GRXCR1: variants seen among roughly 807,000 people sequenced by gnomAD.
GRXCR1 encodes the protein glutaredoxin and cysteine rich domain containing 1.
Under a neutral mutation model 27.3 loss-of-function variants are expected in GRXCR1, and 27 were observed. The observed-to-expected ratio is 0.99, with a 90% CI of 0.73 to 1.37. The LOEUF is 1.37. GRXCR1 is among the 40% of genes most tolerant of loss of function. GRXCR1 has a pLI of 0.00. For missense variants in GRXCR1, 379 were observed against 354.4 expected (o/e 1.07, Z -0.56); for synonymous variants, 122 against 131.1 (o/e 0.93, Z 0.47).
intron 1 of GRXCR1, among the ~76,000 whole-genome samples, chr4:42,898,866 G>GT (rs992569932): frequency 6.6e-6 from 1 of 152,052 alleles, no homozygotes; most frequent in African/African-American, 2.4e-5. Flanking sequence ...ATATTAAGAG[G>GT]TAGGTAAAGA....
chr4:42,971,764 T>C (rs896588789), intron 2 of GRXCR1, among the ~76,000 whole-genome samples: 9 of 152,042 alleles, frequency 5.9e-5, no homozygotes, highest in African/African-American at 1.9e-4. Flanking sequence ...ATCATTATAC[T>C]TCTGTACCTT....
At chr4:42,992,607 T>C (rs1199063086) in intron 2 of GRXCR1, among the ~76,000 whole-genome samples, 2 of 152,068 alleles carry the variant, frequency 1.3e-5, no homozygotes, top group Non-Finnish European at 2.9e-5. Context: ...TTCATATACT[T>C]AGAGTAGGCC....
intron 2 of GRXCR1, among the ~76,000 whole-genome samples, chr4:42,972,528 C>G (rs1242422296): frequency 6.6e-6 from 1 of 152,072 alleles, no homozygotes; most frequent in East Asian, 1.9e-4. Flanking sequence ...GTCCCTTTTT[C>G]CTGGATAACT....
intron 3 of GRXCR1, among the ~76,000 whole-genome samples, chr4:43,022,075 T>G (rs1371351115): frequency 6.6e-6 from 1 of 152,214 alleles, no homozygotes; most frequent in Non-Finnish European, 1.5e-5. Flanking sequence ...TCTCATATAC[T>G]ACCCCAATCC....
intron 1 of GRXCR1, among the ~76,000 whole-genome samples, chr4:42,933,320 G>A (rs184188031): frequency 2.0e-5 from 3 of 151,932 alleles, no homozygotes; most frequent in East Asian, 2.0e-4. Context: ...GCTTGAACCC[G>A]CTAGCTGGAG....
intron 1 of GRXCR1, among the ~76,000 whole-genome samples, chr4:42,962,220 G>A (rs1283441841): frequency 6.6e-6 from 1 of 151,870 alleles, no homozygotes; most frequent in African/African-American, 2.4e-5. Context: ...CTGATTCCTT[G>A]TTTCCTTTTT....
chr4:43,007,076 A>G (rs974802780), intron 2 of GRXCR1, among the ~76,000 whole-genome samples: 2 of 152,192 alleles, frequency 1.3e-5, no homozygotes, highest in African/African-American at 4.8e-5. Context: ...CAGATTGAAA[A>G]CTGAAATAGG....
chr4:42,920,062 C>T (rs1348715290), intron 1 of GRXCR1, among the ~76,000 whole-genome samples: 1 of 152,124 alleles, frequency 6.6e-6, no homozygotes, highest in Non-Finnish European at 1.5e-5. Flanking sequence ...CTGGTGTCTG[C>T]AGAGCAGGCA....
At chr4:43,024,197 C>CTTTTTTTTTTTTT (rs60704333) in intron 3 of GRXCR1, among the ~76,000 whole-genome samples, 8 of 94,232 alleles carry the variant, frequency 8.5e-5, no homozygotes, top group Admixed American at 1.3e-4. Flanking sequence ...ATTTTCTGTC[C>CTTTTTTTTTTTTT]TTTTTTTTTT....
intron 2 of GRXCR1, among the ~76,000 whole-genome samples, chr4:42,978,316 T>C (rs112044889): frequency 0.014 from 2,185 of 152,198 alleles, 36 homozygotes; most frequent in East Asian, 0.062. Flanking sequence ...CATATGAATT[T>C]TAGGATAACT....
At chr4:43,017,132 A>C (rs930640768) in intron 2 of GRXCR1, among the ~76,000 whole-genome samples, 2 of 152,220 alleles carry the variant, frequency 1.3e-5, no homozygotes, top group African/African-American at 4.8e-5. Flanking sequence ...ATTTATAAAG[A>C]AAGAACTTGG....
chr4:42,940,412 C>A (rs112547184), intron 1 of GRXCR1, among the ~76,000 whole-genome samples: 1,590 of 152,118 alleles, frequency 0.01, 31 homozygotes, highest in African/African-American at 0.037. Flanking sequence ...ATGAACACCC[C>A]AAAACTGACT....
intron 2 of GRXCR1, among the ~76,000 whole-genome samples, chr4:43,003,517 C>A (rs953840102): frequency 2.6e-5 from 4 of 151,888 alleles, no homozygotes; most frequent in Non-Finnish European, 5.9e-5. Flanking sequence ...TGGTTGTGAT[C>A]AAAATGCTGA....
chr4:42,987,438 C>T (rs1323375538), intron 2 of GRXCR1, among the ~76,000 whole-genome samples: 1 of 151,072 alleles, frequency 6.6e-6, no homozygotes, highest in Non-Finnish European at 1.5e-5. Context: ...GTGTGCATTA[C>T]CATGCTCAGC....
In GRXCR1 at chr4:42,950,869, T is replaced by C. The variant is rs193116590; in HGVS notation, c.385-12023T>C. Among the ~76,000 whole-genome samples, 170 of 152,306 alleles carry C rather than the reference T, an allele frequency of 1.1e-3. 1 individual carries two copies. Among genetic ancestry groups the C allele is most frequent in the African/African-American group, 3.9e-3 (161 of 41,586 alleles). On this transcript the variant is annotated intron_variant, in intron 1 of 3. Coordinates refer to ENST00000399770, the MANE Select transcript of GRXCR1 (RefSeq NM_001080476.3). ...ATAGTATCTATATTTGTATAATATC[T>C]ATGTCTATATGTCTACATTATGTCT...
At chr4:43,015,830 C>A (rs1219957027) in intron 2 of GRXCR1, among the ~76,000 whole-genome samples, 1 of 151,322 alleles carries the variant, frequency 6.6e-6, no homozygotes, top group Non-Finnish European at 1.5e-5. Flanking sequence ...TGTATATATA[C>A]ATTAAAATTT....
At chr4:42,992,623 A>C (rs1050558173) in intron 2 of GRXCR1, among the ~76,000 whole-genome samples, 1 of 152,104 alleles carries the variant, frequency 6.6e-6, no homozygotes, top group African/African-American at 2.4e-5. Flanking sequence ...AGGCCGTACT[A>C]TTGCCTCAGG....
intron 2 of GRXCR1, among the ~76,000 whole-genome samples, chr4:42,979,182 T>G (rs1449875022): frequency 6.6e-6 from 1 of 152,050 alleles, no homozygotes; most frequent in Non-Finnish European, 1.5e-5. Flanking sequence ...TATTCGTTTC[T>G]CTTACCTAAT....
At chr4:42,967,239 C>G (rs1396015708) in intron 2 of GRXCR1, among the ~76,000 whole-genome samples, 1 of 151,986 alleles carries the variant, frequency 6.6e-6, no homozygotes, top group Admixed American at 6.6e-5. Context: ...ATGTTTGTGT[C>G]TAGATTAATT....
Sources: allele counts gnomAD v4.1 joint callset (sites outside exome capture counted in the v4.1 genomes callset), GRCh38; gene constraint gnomAD v4.1.1; transcripts MANE v1.5; gene names NCBI Gene and HGNC (gene_info 2026-07-23, HGNC 2026-07-21).